Variants in LRBA observed in about 807,000 individuals in gnomAD.
LRBA encodes the protein lipopolysaccharide-responsive and beige-like anchor protein.
In LRBA, 176 loss-of-function variants were observed where a neutral mutation model predicts 330.0. That is an observed-to-expected ratio of 0.53 (90% CI 0.47 to 0.60). The LOEUF is 0.60. LRBA is among the 20% of genes least tolerant of loss of function. The pLI, the probability that LRBA is intolerant of heterozygous loss-of-function variation, is 0.00. For synonymous variants in LRBA, 1,230 were observed against 1,193.0 expected, an observed-to-expected ratio of 1.03 and a Z score of -0.64; for missense variants, 3,259 against 3,444.8, an observed-to-expected ratio of 0.95 and a Z score of 1.35.
At chr4:150,889,199 T>A (rs1341099805) in intron 17 of LRBA, among the ~76,000 whole-genome samples, 1 of 152,126 alleles carries the variant, frequency 6.6e-6, no homozygotes, top group East Asian at 1.9e-4. Context: ...TTTAACCTAT[T>A]TATGTCTAGT....
At chr4:150,512,957 G>A (rs576969620) in intron 40 of LRBA, among the ~76,000 whole-genome samples, 28 of 152,296 alleles carry the variant, frequency 1.8e-4, no homozygotes, top group Non-Finnish European at 1.6e-4. Context: ...TAACATAATA[G>A]CTTCCAAGAT....
rs2127154743 is a variant in LRBA at position 150,905,857 on chromosome 4, C to T, written c.1736G>A (p.Trp579Ter). The change falls in exon 13 of 57, where the codon TGG becomes TAG. Residue 579 changes from tryptophan to a stop codon, truncating the protein, a stop_gained. Transcript: ENST00000651943. LOFTEE classifies it high-confidence loss of function. ...TATTACCTTGGCTGGGGTATGAATC[C>T]ATATGGCAGGATTAAGAAGAACGTG... ...CDHVLLNPAI[W>*]IHTPAKVQLM... 3 of 1,613,066 alleles carry T rather than the reference C, an allele frequency of 1.9e-6. No homozygotes were observed. Among genetic ancestry groups the T allele is most frequent in the Non-Finnish European group, 2.5e-6 (3 of 1,179,406 alleles).
At chr4:150,674,661 G>A (rs1782371965) in intron 37 of LRBA, among the ~76,000 whole-genome samples, 3 of 152,176 alleles carry the variant, frequency 2.0e-5, no homozygotes, top group Admixed American at 2.0e-4. Context: ...AGGATCACTT[G>A]AGGCCAGCAG....
intron 37 of LRBA, among the ~76,000 whole-genome samples, chr4:150,643,727 A>G (rs1778889873): frequency 6.6e-6 from 1 of 152,006 alleles, no homozygotes; most frequent in Non-Finnish European, 1.5e-5. Flanking sequence ...GCATTAGGAA[A>G]GTAAGAATCA....
chr4:150,709,838 G>T (rs1220770460), intron 36 of LRBA, among the ~76,000 whole-genome samples: 11 of 151,982 alleles, frequency 7.2e-5, no homozygotes. Context: ...AGGATGAGAG[G>T]CAGAGAAGGC....
chr4:150,996,593 T>C (rs1215180388), intron 2 of LRBA, among the ~76,000 whole-genome samples: 1 of 152,194 alleles, frequency 6.6e-6, no homozygotes, highest in Non-Finnish European at 1.5e-5. Context: ...ATGCAAAGAA[T>C]CAAAGTATGC....
chr4:151,011,441 T>G lies in LRBA; in HGVS notation c.216+2986A>C, dbSNP rs532096813. On this transcript the variant is annotated intron_variant, in intron 2 of 56. Coordinates refer to ENST00000651943, the MANE Select transcript of LRBA (RefSeq NM_001364905.1). Reference sequence around the variant, plus strand: ...GGTGAAACCCCGCCTCTACCAAAAATACAAAAATTAGTCGGGCCTCATGGC... The same window carrying G: ...GGTGAAACCCCGCCTCTACCAAAAAGACAAAAATTAGTCGGGCCTCATGGC... 1.3e-4 allele frequency among the ~76,000 whole-genome samples: 19 copies of G among 151,204 alleles called. No individual in the cohort carries two copies. The East Asian group carries it at 3.6e-3, about 28-fold the overall frequency.
intron 13 of LRBA, among the ~76,000 whole-genome samples, chr4:150,905,357 A>G (rs560316674): frequency 7.9e-5 from 12 of 152,086 alleles, no homozygotes; most frequent in Non-Finnish European, 1.3e-4. Flanking sequence ...AAAAGTGTGA[A>G]GTAAAAAAGA....
intron 33 of LRBA, among the ~76,000 whole-genome samples, chr4:150,805,869 T>G (rs1742717365): frequency 6.6e-6 from 1 of 152,168 alleles, no homozygotes; most frequent in Non-Finnish European, 1.5e-5. Flanking sequence ...AAAATGCTGT[T>G]ATCTCTATTT....
chr4:150,916,919 C>T (rs760811577), intron 5 of LRBA, among the ~76,000 whole-genome samples, 181 bp from the exon 6 acceptor site: 1 of 152,056 alleles, frequency 6.6e-6, no homozygotes, highest in Admixed American at 6.5e-5. Context: ...TTTGGGAGGC[C>T]GAGGCAGGTG....
intron 44 of LRBA, among the ~76,000 whole-genome samples, chr4:150,447,328 T>C (rs964806948): frequency 2.6e-5 from 4 of 152,200 alleles, no homozygotes; most frequent in African/African-American, 9.7e-5. Context: ...GGACACAGTA[T>C]ATAGATTTCT....
chr4:150,908,545 T>A, intron 10 of LRBA, 78 bp from the exon 11 acceptor site: 1 of 1,467,430 alleles, frequency 6.8e-7, no homozygotes, highest in Non-Finnish European at 9.3e-7. Flanking sequence ...CAACAATAAA[T>A]GCAGAAACAC....
chr4:150,624,291 C>A (rs1217601305), intron 37 of LRBA, among the ~76,000 whole-genome samples: 2 of 126,086 alleles, frequency 1.6e-5, no homozygotes, highest in Non-Finnish European at 3.3e-5. Context: ...TATAACAATG[C>A]CAAACCCTAC....
chr4:150,336,669 T>A (rs575020051), intron 48 of LRBA, among the ~76,000 whole-genome samples: 1 of 152,340 alleles, frequency 6.6e-6, no homozygotes, highest in South Asian at 2.1e-4. Context: ...GTAATTATAA[T>A]TTGTGAAAAT....
At chr4:150,806,939 T>A (rs1216887701) in intron 32 of LRBA, among the ~76,000 whole-genome samples, 1 of 151,972 alleles carries the variant, frequency 6.6e-6, no homozygotes. Flanking sequence ...TAATATACTT[T>A]ATAGGCACAT....
intron 40 of LRBA, among the ~76,000 whole-genome samples, chr4:150,503,337 T>C (rs1481949810): frequency 6.6e-6 from 1 of 152,124 alleles, no homozygotes; most frequent in East Asian, 1.9e-4. Context: ...CACGGCCGGG[T>C]ACTCCCCTGA....
chr4:150,932,462 A>G (rs1269852979), intron 2 of LRBA, among the ~76,000 whole-genome samples: 1 of 152,128 alleles, frequency 6.6e-6, no homozygotes, highest in Non-Finnish European at 1.5e-5. Flanking sequence ...CAAAATGAAT[A>G]TTAAAAATAC....
At chr4:150,736,204 A>C (rs1731161101) in intron 35 of LRBA, among the ~76,000 whole-genome samples, 1 of 152,202 alleles carries the variant, frequency 6.6e-6, no homozygotes, top group Admixed American at 6.5e-5. Context: ...GCTAATCAGA[A>C]ACCAAAAGGA....
At chr4:150,363,074 T>G (rs972396513) in intron 47 of LRBA, among the ~76,000 whole-genome samples, 1 of 152,152 alleles carries the variant, frequency 6.6e-6, no homozygotes, top group African/African-American at 2.4e-5. Flanking sequence ...GAGGCTGCAG[T>G]GAGGTGTGAT....
Sources: allele counts gnomAD v4.1 joint callset (sites outside exome capture counted in the v4.1 genomes callset), GRCh38; gene constraint gnomAD v4.1.1; transcripts MANE v1.5; gene names NCBI Gene and HGNC (gene_info 2026-07-23, HGNC 2026-07-21).